The following LAIR1 variants were observed in gnomAD, a reference collection of about 807,000 sequenced individuals.
LAIR1 encodes the protein leukocyte associated immunoglobulin like receptor 1, also known as leukocyte-associated immunoglobulin-like receptor 1.
In LAIR1, 24 loss-of-function variants were observed where a neutral mutation model predicts 32.8. That is an observed-to-expected ratio of 0.73 (90% CI 0.53 to 1.03). The LOEUF is 1.03. Among genes scored for constraint, LAIR1 ranks in the 50% least tolerant of loss-of-function variants. LAIR1 has a pLI of 0.00. For missense variants in LAIR1, 355 were observed against 347.5 expected (o/e 1.02, Z -0.17); for synonymous variants, 150 against 140.5 (o/e 1.07, Z -0.48).
intron 2 of LAIR1, among the ~76,000 whole-genome samples, chr19:54,361,936 C>T (rs55857639): frequency 0.11 from 17,339 of 151,644 alleles, 915 homozygotes; most frequent in East Asian, 0.25. Flanking sequence ...GCGGGTTTGA[C>T]GCCCTGAAAC....
chr19:54,374,144 A>G (rs2082464178), upstream of LAIR1, among the ~76,000 whole-genome samples: 1 of 152,076 alleles, frequency 6.6e-6, no homozygotes, highest in Admixed American at 6.5e-5. Flanking sequence ...GTGAAAAATA[A>G]TCTCAAGAAG....
At chr19:54,358,346 C>G (rs557567833) in intron 4 of LAIR1, 1 of 177,308 alleles carries the variant, frequency 5.6e-6, no homozygotes, top group Admixed American at 6.7e-5. Flanking sequence ...TAGTGATACA[C>G]TAACATGTTT....
rs571827721 is a variant in LAIR1 at position 54,357,086 on chromosome 19, C to T, written c.416-120G>A. 261 of 871,708 alleles carry T rather than the reference C, an allele frequency of 3.0e-4. 4 individuals carry two copies. In the South Asian group the frequency reaches 3.9e-3, roughly 13 times the overall value. The allele number at this position is 871,708 out of a possible 1,614,324, so 54.0% of individuals were successfully genotyped here. On this transcript the variant is annotated intron_variant, in intron 4 of 9. Transcript: ENST00000391742. ...TCACTCCCCAGGACCCTGACTGCTCCCTCTAGACCAGCACCGACCAGCAGA... is the reference window on the plus strand; with the variant it reads ...TCACTCCCCAGGACCCTGACTGCTCTCTCTAGACCAGCACCGACCAGCAGA...
chr19:54,362,942 G>A (rs2082096087), intron 2 of LAIR1, among the ~76,000 whole-genome samples: 1 of 151,966 alleles, frequency 6.6e-6, no homozygotes. Context: ...GATGTGGCTG[G>A]GAAAATGGGC....
upstream of LAIR1, among the ~76,000 whole-genome samples, chr19:54,365,636 CA>C (rs978434221): frequency 6.6e-6 from 1 of 151,998 alleles, no homozygotes; most frequent in Non-Finnish European, 1.5e-5. Flanking sequence ...ACTAAAAATA[CA>C]AAAAATTAGC....
chr19:54,363,439 T>C lies in LAIR1; in HGVS notation c.70+856A>G, dbSNP rs372404038. On this transcript the variant is annotated intron_variant, in intron 2 of 9. Transcript: ENST00000391742. ...GAAAAGTGCCGGGCTCAGCCTTGGT[T>C]GTGTTGGGTTTGAATTCTCATTGTG... is the stretch of plus-strand genomic sequence containing the variant. Among the ~76,000 whole-genome samples, 377 of 150,442 alleles carry C rather than the reference T, an allele frequency of 2.5e-3. 2 individuals are homozygous for C. Among genetic ancestry groups the C allele is most frequent in the African/African-American group, 7.1e-3 (291 of 41,102 alleles).
intron 2 of LAIR1, among the ~76,000 whole-genome samples, chr19:54,363,737 T>TCTC (rs2082130873): frequency 6.6e-6 from 1 of 152,160 alleles, no homozygotes; most frequent in African/African-American, 2.4e-5. Flanking sequence ...ATCTGTGGAA[T>TCTC]CTAAGAAAAG....
chr19:54,358,586 G>A (rs762773626), intron 4 of LAIR1: 23 of 1,607,254 alleles, frequency 1.4e-5, no homozygotes, highest in Non-Finnish European at 1.9e-5. Flanking sequence ...CCTCATTCTT[G>A]GTGCATCAAA....
Position 54,354,285 on chromosome 19 carries a change from A to T in LAIR1, c.*983T>A, listed in dbSNP as rs1428866718. On this transcript the variant is annotated 3_prime_UTR_variant, in exon 10 of 10. Coordinates refer to ENST00000391742, the MANE Select transcript of LAIR1 (RefSeq NM_002287.6). ...TGAGAGCATGCATTCCTGTGCATGT[A>T]TGTGCAGATGTGGACCTGTAGGGTC... The T allele has an allele frequency of 1.3e-5, 2 of 152,134 alleles. No homozygotes were observed. Among genetic ancestry groups the T allele is most frequent in the African/African-American group, 4.8e-5 (2 of 41,410 alleles). 9.4% of individuals were successfully genotyped at this position (152,134 alleles called of 1,614,324 possible). A position where few individuals can be genotyped will look rare whatever the true frequency, so the allele number is the denominator to read the frequency against.
chr19:54,374,264 G>T (rs540153774), upstream of LAIR1, among the ~76,000 whole-genome samples: 26 of 152,254 alleles, frequency 1.7e-4, no homozygotes, highest in Admixed American at 3.9e-4. Context: ...AAAACCAAAG[G>T]TTCAAGTAAT....
rs777767149 is a variant in LAIR1, at chr19:54,355,276, T to C, written c.856A>G (p.Arg286Gly). 1.9e-6 allele frequency: 3 copies of C among 1,605,916 alleles called. No homozygotes were observed. Among genetic ancestry groups the C allele is most frequent in the Non-Finnish European group, 1.7e-6 (2 of 1,175,742 alleles). ...GCCAGGTGGGTATGGGGTCAGTGTC[T>C]GGCAACGGCTGCATACGTGATGGAC... Reference protein sequence around the residue: ...AESITYAAVARH With the variant: ...AESITYAAVAGH The change falls in exon 10 of 10, where the codon AGA becomes GGA. Residue 286 changes from arginine to glycine, a missense_variant. Physicochemically the swap from Arg to Gly is moderately radical, Grantham distance 125. Transcript: ENST00000391742. This position sits in a 1 kb window ranked among gnomAD's most constrained non-coding sequence, Gnocchi z 4.7.
At chr19:54,372,957 C>A (rs1178155695), upstream of LAIR1, among the ~76,000 whole-genome samples, 1 of 151,040 alleles carries the variant, frequency 6.6e-6, no homozygotes, top group East Asian at 1.9e-4. Flanking sequence ...CTGGTGAAAC[C>A]CCATCTCTAC....
chr19:54,370,159 C>T (rs2082369584), intron 1 of LAIR1: 1 of 640,630 alleles, frequency 1.6e-6, no homozygotes, highest in Non-Finnish European at 2.9e-6. Flanking sequence ...CCCAAGTCAT[C>T]CACATTGGCT....
rs1317474092 is a variant in LAIR1 at position 54,353,225 on chromosome 19, GAGAC to G, written c.*2039_*2042del. 3 of 152,042 alleles carry G rather than the reference GAGAC, an allele frequency of 2.0e-5. No homozygotes were observed. The highest frequency in any genetic ancestry group is 4.4e-5 in the Non-Finnish European group (3 of 68,040). The allele number at this position is 152,042 out of a possible 1,614,324, so 9.4% of individuals were successfully genotyped here. On this transcript the variant is annotated 3_prime_UTR_variant, in exon 10 of 10. Transcript: ENST00000391742. ...ACAGTGAGAGAGAAAGACAGAAAGA[GAGAC>G]AGGGACAGAGACAGACAGAGCAGGG...
chr19:54,361,182 G>T lies in LAIR1; in HGVS notation c.98C>A (p.Ala33Asp). ...EEDLPRPSIS[A>D]EPGTVIPLGS... Reference sequence around the variant, plus strand: ...CAGGGGGATCACGGTGCCTGGCTCAGCCGAGATGGAGGGTCTGGGCAGATC... The same window carrying T: ...CAGGGGGATCACGGTGCCTGGCTCATCCGAGATGGAGGGTCTGGGCAGATC... The change falls in exon 3 of 10, where the codon GCT becomes GAT. Residue 33 changes from alanine (A) to aspartate (D), a missense_variant. Transcript: ENST00000391742. 1 of 1,614,224 alleles carries T rather than the reference G, an allele frequency of 6.2e-7. No individual in the cohort carries two copies. Among genetic ancestry groups the T allele is most frequent in the East Asian group, 2.2e-5 (1 of 44,884 alleles).
At chr19:54,366,739 C>T (rs1411990125), upstream of LAIR1, among the ~76,000 whole-genome samples, 1 of 152,146 alleles carries the variant, frequency 6.6e-6, no homozygotes, top group Non-Finnish European at 1.5e-5. Flanking sequence ...CCACCCGCCT[C>T]GGCCTCCCAA....
upstream of LAIR1, among the ~76,000 whole-genome samples, chr19:54,373,184 T>C (rs1381241127): frequency 1.3e-5 from 2 of 151,218 alleles, no homozygotes; most frequent in Non-Finnish European, 2.9e-5. Context: ...GGCTCACGCC[T>C]GTAATCCCAG....
chr19:54,359,221 G>A (rs1230063630), intron 4 of LAIR1, among the ~76,000 whole-genome samples: 1 of 151,144 alleles, frequency 6.6e-6, no homozygotes, highest in African/African-American at 2.5e-5. Context: ...CGTACTCTGG[G>A]GATAGAAACC....
At chr19:54,356,761 G>GT in intron 5 of LAIR1, 142 bp from the exon 6 acceptor site, 1 of 1,163,402 alleles carries the variant, frequency 8.6e-7, no homozygotes, top group Non-Finnish European at 1.2e-6. Flanking sequence ...TACAGGGATC[G>GT]TTATCCCCTT....
Sources: allele counts gnomAD v4.1 joint callset (sites outside exome capture counted in the v4.1 genomes callset), GRCh38; gene constraint gnomAD v4.1.1; non-coding constraint Gnocchi (gnomAD v3.1); transcripts MANE v1.5; gene names NCBI Gene and HGNC (gene_info 2026-07-23, HGNC 2026-07-21).